GRM5: variants seen among roughly 807,000 people sequenced by gnomAD.
GRM5 encodes the protein metabotropic glutamate receptor 5.
GRM5 carries 19 observed loss-of-function variants against 83.1 expected under a neutral mutation model. That is an observed-to-expected ratio of 0.23 (90% CI 0.16 to 0.34). GRM5 has a LOEUF of 0.34. Among genes scored for constraint, GRM5 ranks in the 10% least tolerant of loss-of-function variants. The pLI, the probability that GRM5 is intolerant of heterozygous loss-of-function variation, is 1.00. For missense variants in GRM5, 1,160 were observed against 1,588.3 expected, an observed-to-expected ratio of 0.73 and a Z score of 4.58; for synonymous variants, 675 against 633.6, an observed-to-expected ratio of 1.07 and a Z score of -0.98.
At chr11:88,615,521 T>A (rs946474761) in intron 4 of GRM5, among the ~76,000 whole-genome samples, 11 of 152,074 alleles carry the variant, frequency 7.2e-5, no homozygotes, top group African/African-American at 2.2e-4. Context: ...TGGCTGACCT[T>A]TCACCTTCTT....
At chr11:88,989,916 T>G (rs1939900453) in intron 2 of GRM5, among the ~76,000 whole-genome samples, 1 of 151,082 alleles carries the variant, frequency 6.6e-6, no homozygotes, top group Admixed American at 6.6e-5. Context: ...GCAGGAAAGA[T>G]CCAAAATTGA....
chr11:88,790,020 C>T (rs191989255), intron 3 of GRM5, among the ~76,000 whole-genome samples: 80 of 152,220 alleles, frequency 5.3e-4, no homozygotes, highest in Admixed American at 9.2e-4. Flanking sequence ...TGCAACACCA[C>T]GCCTGGCAAA....
At chr11:88,521,543 A>C (rs1941690455) in intron 9 of GRM5, among the ~76,000 whole-genome samples, 1 of 152,196 alleles carries the variant, frequency 6.6e-6, no homozygotes. Flanking sequence ...TCTTGCTAGC[A>C]ACTCACATGG....
At chr11:88,922,530 A>G (rs1301031302) in intron 2 of GRM5, among the ~76,000 whole-genome samples, 2 of 152,230 alleles carry the variant, frequency 1.3e-5, no homozygotes, top group Non-Finnish European at 2.9e-5. Flanking sequence ...ATCCATATGC[A>G]GAAGAATAAA....
intron 3 of GRM5, among the ~76,000 whole-genome samples, chr11:88,807,013 C>T (rs1943510464): frequency 6.6e-6 from 1 of 152,090 alleles, no homozygotes; most frequent in African/African-American, 2.4e-5. Context: ...CCAGGCAAAA[C>T]AAGGTTTTAC....
intron 4 of GRM5, among the ~76,000 whole-genome samples, chr11:88,611,011 A>G (rs572685358): frequency 1.4e-4 from 22 of 152,278 alleles, no homozygotes; most frequent in Admixed American, 5.9e-4. Flanking sequence ...GATGTGGTAA[A>G]TCACATTTAT....
chr11:89,059,076 C>T (rs1156624649), intron 1 of GRM5, among the ~76,000 whole-genome samples: 1 of 152,012 alleles, frequency 6.6e-6, no homozygotes, highest in African/African-American at 2.4e-5. Context: ...TATTAAAGTG[C>T]TCACTATTAT....
intron 4 of GRM5, among the ~76,000 whole-genome samples, chr11:88,609,324 T>A (rs1015153045): frequency 6.6e-6 from 1 of 152,322 alleles, no homozygotes; most frequent in Non-Finnish European, 1.5e-5. Context: ...AAGGACATGA[T>A]TTTGTTTGGC....
intron 2 of GRM5, among the ~76,000 whole-genome samples, chr11:89,044,675 G>A (rs1337158835): frequency 6.6e-6 from 1 of 152,090 alleles, no homozygotes; most frequent in South Asian, 2.1e-4. Flanking sequence ...AATATTGATG[G>A]AACAAAGGAG....
At chr11:89,001,545 G>C (rs1940380433) in intron 2 of GRM5, among the ~76,000 whole-genome samples, 1 of 152,096 alleles carries the variant, frequency 6.6e-6, no homozygotes, top group African/African-American at 2.4e-5. Flanking sequence ...CAGGGGTCAG[G>C]GACGTAGTGG....
intron 2 of GRM5, among the ~76,000 whole-genome samples, chr11:88,879,616 CAT>C (rs1284710234): frequency 6.6e-6 from 1 of 151,852 alleles, no homozygotes; most frequent in African/African-American, 2.4e-5. Flanking sequence ...TAATGTCAGC[CAT>C]ATGTTTCCAA....
intron 8 of GRM5, among the ~76,000 whole-genome samples, chr11:88,560,564 T>G (rs1942731267): frequency 6.6e-6 from 1 of 152,156 alleles, no homozygotes; most frequent in Non-Finnish European, 1.5e-5. Flanking sequence ...TTCTTATATT[T>G]TTAGGACAAA....
chr11:88,908,116 A>C (rs1298255044), intron 2 of GRM5, among the ~76,000 whole-genome samples: 1 of 152,112 alleles, frequency 6.6e-6, no homozygotes, highest in African/African-American at 2.4e-5. Flanking sequence ...AATATTTCTT[A>C]TCTATACTTA....
chr11:88,768,581 TG>T (rs1414367157), intron 3 of GRM5, among the ~76,000 whole-genome samples: 1 of 151,832 alleles, frequency 6.6e-6, no homozygotes, highest in African/African-American at 2.4e-5. Flanking sequence ...TTAACAATGT[TG>T]AATATGATCC....
chr11:88,838,793 C>T (rs895290913), intron 3 of GRM5, among the ~76,000 whole-genome samples: 2 of 151,872 alleles, frequency 1.3e-5, no homozygotes, highest in African/African-American at 4.8e-5. Context: ...AATGAAACCA[C>T]TTATTAACAG....
At chr11:89,035,266 A>G (rs1293437722) in intron 2 of GRM5, among the ~76,000 whole-genome samples, 1 of 151,824 alleles carries the variant, frequency 6.6e-6, no homozygotes, top group Non-Finnish European at 1.5e-5. Flanking sequence ...CACTAATTCC[A>G]TAAAAGTGAA....
chr11:88,930,496 T>G (rs1207675820), intron 2 of GRM5, among the ~76,000 whole-genome samples: 1 of 152,142 alleles, frequency 6.6e-6, no homozygotes, highest in Admixed American at 6.6e-5. Context: ...CATGTGGCCC[T>G]CAAATACAAC....
chr11:88,826,127 G>T (rs545431400), intron 3 of GRM5, among the ~76,000 whole-genome samples: 1 of 152,140 alleles, frequency 6.6e-6, no homozygotes, highest in East Asian at 1.9e-4. Flanking sequence ...ATGGTAGTTC[G>T]CAGAGACCAT....
intron 3 of GRM5, among the ~76,000 whole-genome samples, chr11:88,666,116 C>T (rs545044459): frequency 5.9e-5 from 9 of 152,180 alleles, no homozygotes; most frequent in East Asian, 3.9e-4. Context: ...CTGAAAATGT[C>T]AGAAGTGGCT....
Sources: gnomAD v4.1 joint callset for allele counts (sites outside exome capture counted in the v4.1 genomes callset) on GRCh38, gnomAD v4.1.1 for gene constraint, MANE v1.5 for transcripts, NCBI Gene and HGNC (gene_info 2026-07-23, HGNC 2026-07-21) for gene names.